The following HERC4 variants were observed in gnomAD, a reference collection of about 807,000 sequenced individuals.
HERC4 encodes the protein HECT and RLD domain containing E3 ubiquitin protein ligase 4.
A neutral mutation model predicts 124.3 loss-of-function variants in HERC4; 28 were observed. The observed-to-expected ratio is 0.23, with a 90% CI of 0.17 to 0.31. The LOEUF (loss-of-function observed/expected upper bound fraction) is 0.31. Ranked by LOEUF, HERC4 falls within the 10% of genes least tolerant of loss-of-function variation. HERC4 has a pLI of 1.00. For synonymous variants in HERC4, 407 were observed against 421.5 expected, an observed-to-expected ratio of 0.97 and a Z score of 0.42; for missense variants, 713 against 1,229.3, an observed-to-expected ratio of 0.58 and a Z score of 6.28.
At position 67,956,612 on chromosome 10, in the gene HERC4, A is replaced by G. The variant is rs1393273737; in HGVS notation, c.2025+266T>C. ...AGTAAACTAGTAAAACGGTTTATAA[A>G]GATTGAATATTTCTGTAATGAAAGA... On this transcript the variant is annotated intron_variant, in intron 17 of 24. Transcript: ENST00000373700. 5.1e-5 allele frequency: 12 copies of G among 236,480 alleles called. No individual in the cohort carries two copies. The East Asian group carries it at 9.7e-4, about 19-fold the overall frequency. 14.6% of individuals were successfully genotyped at this position (236,480 alleles called of 1,614,324 possible).
chr10:68,025,743 A>T lies in HERC4; in HGVS notation c.778-67T>A. On this transcript the variant is annotated intron_variant, in intron 7 of 24. Coordinates refer to ENST00000373700, the MANE Select transcript of HERC4 (RefSeq NM_015601.4). ...AAAGAAAATAACTGATCTCCAGAAA[A>T]ATAAGTCCAAATCTTTAATATAAAC... 2.0e-6 allele frequency: 3 copies of T among 1,491,142 alleles called. No homozygotes were observed. In the African/African-American group the frequency reaches 4.2e-5, roughly 21 times the overall value. The allele number at this position is 1,491,142 out of a possible 1,614,324, so 92.4% of individuals were successfully genotyped here.
intron 15 of HERC4, among the ~76,000 whole-genome samples, chr10:67,971,437 A>G (rs2035227610): frequency 6.6e-6 from 1 of 152,152 alleles, no homozygotes; most frequent in Non-Finnish European, 1.5e-5. Context: ...TAATACAAAT[A>G]TAATGCCAAG....
intron 24 of HERC4, among the ~76,000 whole-genome samples, chr10:67,924,740 CA>C (rs2030679603): frequency 6.6e-6 from 1 of 152,192 alleles, no homozygotes; most frequent in African/African-American, 2.4e-5. Context: ...GTCTTGGAAT[CA>C]ATCCCCCATG....
chr10:67,981,058 C>T (rs1443960695), intron 15 of HERC4, among the ~76,000 whole-genome samples: 2 of 152,086 alleles, frequency 1.3e-5, no homozygotes, highest in African/African-American at 4.8e-5. Flanking sequence ...TTATCAATAA[C>T]ATTGGATGTA....
At chr10:68,005,901 T>G (rs117943484) in intron 9 of HERC4, among the ~76,000 whole-genome samples, 5,923 of 152,174 alleles carry the variant, frequency 0.039, 166 homozygotes, top group South Asian at 0.11. Context: ...GGTATCACTA[T>G]GTTGCCTAGG....
intron 23 of HERC4, among the ~76,000 whole-genome samples, chr10:67,927,430 A>AATT (rs1295813582): frequency 2.6e-5 from 1 of 37,926 alleles, no homozygotes; most frequent in African/African-American, 5.8e-5. Flanking sequence ...ATATATATAT[A>AATT]TTTTTTTTTT....
intron 10 of HERC4, 121 bp from the exon 11 acceptor site, chr10:67,992,444 C>A: frequency 7.5e-7 from 1 of 1,325,286 alleles, no homozygotes. Context: ...ACACCTGAAA[C>A]AAAAACCTAT....
intron 9 of HERC4, chr10:68,010,711 T>C (rs191655210): frequency 1.3e-6 from 2 of 1,484,290 alleles, no homozygotes; most frequent in African/African-American, 1.4e-5. Flanking sequence ...AGCTAAGCTG[T>C]TGAGCCTCAA....
At chr10:67,994,157 T>C (rs1229002800) in intron 9 of HERC4, 1 of 152,086 alleles carries the variant, frequency 6.6e-6, no homozygotes, top group Non-Finnish European at 1.5e-5. Flanking sequence ...CAAAAACAAG[T>C]TTTAAGAATA....
At chr10:67,962,085 T>C (rs1256459427) in intron 16 of HERC4, among the ~76,000 whole-genome samples, 1 of 152,178 alleles carries the variant, frequency 6.6e-6, no homozygotes, top group African/African-American at 2.4e-5. Context: ...CAGCTTTAGA[T>C]TCACAGCAAA....
chr10:67,940,895 A>G, intron 20 of HERC4, 44 bp downstream of exon 20: 1 of 1,519,596 alleles, frequency 6.6e-7, no homozygotes, highest in Non-Finnish European at 8.8e-7. Flanking sequence ...CCCACTTTTT[A>G]CCTCCCAAAC....
At chr10:68,023,138 T>C (rs897937196) in intron 8 of HERC4, among the ~76,000 whole-genome samples, 2 of 152,264 alleles carry the variant, frequency 1.3e-5, no homozygotes, top group African/African-American at 2.4e-5. Context: ...TGGCAGTTCC[T>C]ACAAAAATTA....
intron 3 of HERC4, among the ~76,000 whole-genome samples, chr10:68,050,417 G>A (rs1290273875): frequency 6.6e-6 from 1 of 152,078 alleles, no homozygotes; most frequent in Non-Finnish European, 1.5e-5. Flanking sequence ...TTAAAGCAAT[G>A]TATTAAAACC....
rs1289339674 is a variant in HERC4 at position 67,972,119 on chromosome 10, C to G, written c.1807-5317G>C. On this transcript the variant is annotated intron_variant, in intron 15 of 24. Coordinates refer to ENST00000373700, the MANE Select transcript of HERC4 (RefSeq NM_015601.4). ...ATCCCAGCTACTTGGGAGGCTGAGG[C>G]AGGAGAATCATTTGAACCTGGGAGG... Among the ~76,000 whole-genome samples, 3 of 148,494 alleles carry G rather than the reference C, an allele frequency of 2.0e-5. No individual in the cohort carries two copies. In the East Asian group the frequency reaches 5.9e-4, roughly 29 times the overall value.
intron 19 of HERC4, among the ~76,000 whole-genome samples, chr10:67,949,735 A>G (rs1346393711): frequency 6.6e-6 from 1 of 152,232 alleles, no homozygotes; most frequent in African/African-American, 2.4e-5. Flanking sequence ...AATGTAAAAA[A>G]GCATCACATA....
At chr10:67,964,041 C>G (rs2034696740) in intron 16 of HERC4, among the ~76,000 whole-genome samples, 1 of 148,230 alleles carries the variant, frequency 6.7e-6, no homozygotes, top group African/African-American at 2.5e-5. Flanking sequence ...CTGCTGAGGT[C>G]AATTATTTTC....
intron 3 of HERC4, among the ~76,000 whole-genome samples, chr10:68,055,005 C>T (rs1394314609): frequency 2.0e-5 from 3 of 152,164 alleles, no homozygotes; most frequent in Non-Finnish European, 4.4e-5. Flanking sequence ...TCACTGCAAC[C>T]TCCAGCTCCT....
chr10:67,984,715 T>C (rs2036159670), intron 15 of HERC4, among the ~76,000 whole-genome samples: 1 of 152,246 alleles, frequency 6.6e-6, no homozygotes, highest in African/African-American at 2.4e-5. Context: ...TCTGAATAGT[T>C]GGTATTACAG....
At position 68,044,387 on chromosome 10, in the gene HERC4, C is replaced by G; in HGVS notation, c.386+17G>C. 6.3e-7 allele frequency: 1 copy of G among 1,595,878 alleles called. No individual in the cohort carries two copies. The highest frequency in any genetic ancestry group is 8.5e-7 in the Non-Finnish European group (1 of 1,174,824). On this transcript the variant is annotated intron_variant, in intron 4 of 24. Coordinates refer to ENST00000373700, the MANE Select transcript of HERC4 (RefSeq NM_015601.4). ...TTAAAAGATTGTTAAGGACCTCTTT[C>G]TGGTCACCTTTGTTACCTGGGTACT...
Sources: allele counts gnomAD v4.1 joint callset (sites outside exome capture counted in the v4.1 genomes callset), GRCh38; gene constraint gnomAD v4.1.1; transcripts MANE v1.5; gene names NCBI Gene and HGNC (gene_info 2026-07-23, HGNC 2026-07-21).